The following TMEM150C variants were observed in gnomAD, a reference collection of about 807,000 sequenced individuals.
TMEM150C encodes the protein tentonin 3.
A neutral mutation model predicts 29.9 loss-of-function variants in TMEM150C; 10 were observed. The observed-to-expected ratio is 0.33, with a 90% CI of 0.21 to 0.57. The LOEUF is 0.57. Among genes scored for constraint, TMEM150C ranks in the 20% least tolerant of loss-of-function variants. The pLI is 0.88. For synonymous variants in TMEM150C, 101 were observed against 112.5 expected, an observed-to-expected ratio of 0.90 and a Z score of 0.64; for missense variants, 251 against 303.6, an observed-to-expected ratio of 0.83 and a Z score of 1.29.
Position 82,561,917 on chromosome 4 carries a change from C to A in TMEM150C, c.-22G>T. 9.7e-7 allele frequency: 1 copy of A among 1,030,874 alleles called. No homozygotes were observed. Among genetic ancestry groups the A allele is most frequent in the Non-Finnish European group, 1.2e-6 (1 of 856,738 alleles). The allele number at this position is 1,030,874 out of a possible 1,614,324, so 63.9% of individuals were successfully genotyped here. A position where few individuals can be genotyped will look rare whatever the true frequency, so the allele number is the denominator to read the frequency against. Reference sequence around the variant, plus strand: ...GGCGCCGCGCCTACCTGCTCTGGTGCGGCGGGGCCGCTGTCGCCTCGAGGG... The same window carrying A: ...GGCGCCGCGCCTACCTGCTCTGGTGAGGCGGGGCCGCTGTCGCCTCGAGGG... On this transcript the variant is annotated 5_prime_UTR_variant, in exon 1 of 8. Transcript: ENST00000449862.
At chr4:82,492,038 C>A (rs1444197051) in intron 6 of TMEM150C, among the ~76,000 whole-genome samples, 1 of 146,908 alleles carries the variant, frequency 6.8e-6, no homozygotes, top group Non-Finnish European at 1.5e-5. Context: ...TGGGTTCAAG[C>A]GATTCTTCTG....
intron 7 of TMEM150C, among the ~76,000 whole-genome samples, chr4:82,486,576 G>A (rs999729023): frequency 6.6e-5 from 10 of 151,822 alleles, no homozygotes; most frequent in South Asian, 6.2e-4. Flanking sequence ...CTCGTATCAC[G>A]TCTAAACTTG....
At chr4:82,504,491 G>T in intron 2 of TMEM150C, 87 bp downstream of exon 2, 1 of 1,073,924 alleles carries the variant, frequency 9.3e-7, no homozygotes, top group Non-Finnish European at 1.4e-6. Flanking sequence ...ATGAGCCACC[G>T]TGCCCGGCTG....
intron 1 of TMEM150C, among the ~76,000 whole-genome samples, chr4:82,504,916 G>A (rs1723864037): frequency 6.6e-6 from 1 of 152,128 alleles, no homozygotes; most frequent in South Asian, 2.1e-4. Flanking sequence ...TGTAGTCCCA[G>A]CTACTTGGGA....
At chr4:82,556,394 AC>A (rs1725738432) in intron 1 of TMEM150C, among the ~76,000 whole-genome samples, 1 of 152,258 alleles carries the variant, frequency 6.6e-6, no homozygotes, top group Middle Eastern at 3.2e-3. Context: ...ATGCACAGTG[AC>A]CACTTCTATT....
intron 4 of TMEM150C, 36 bp from the exon 5 acceptor site, chr4:82,502,830 C>G (rs752427582): frequency 6.3e-7 from 1 of 1,588,110 alleles, no homozygotes; most frequent in Non-Finnish European, 8.6e-7. Flanking sequence ...GTTACTATAT[C>G]AAAATCTATA....
At chr4:82,489,915 G>C in intron 7 of TMEM150C, 146 bp downstream of exon 7, 2 of 723,906 alleles carry the variant, frequency 2.8e-6, no homozygotes, top group Non-Finnish European at 4.4e-6. Context: ...TTGGTCTGAG[G>C]GTTTTTGTTT....
At chr4:82,561,756 A>G (rs2110097962) in intron 1 of TMEM150C, 150 bp downstream of exon 1, 1 of 480,694 alleles carries the variant, frequency 2.1e-6, no homozygotes, top group African/African-American at 2.1e-5. Context: ...GCAGCCGAGC[A>G]GGGCCCCGCA....
intron 1 of TMEM150C, among the ~76,000 whole-genome samples, chr4:82,512,385 A>T (rs1031837478): frequency 5.9e-5 from 9 of 152,234 alleles, no homozygotes; most frequent in African/African-American, 2.2e-4. Flanking sequence ...CCAAACTTGT[A>T]ATGTGAATAA....
intron 1 of TMEM150C, among the ~76,000 whole-genome samples, chr4:82,530,973 A>C (rs545848101): frequency 6.6e-6 from 1 of 152,260 alleles, no homozygotes; most frequent in East Asian, 1.9e-4. Context: ...ATGGTGCTAA[A>C]CCATTAGAAA....
At chr4:82,518,200 C>T (rs570742115) in intron 1 of TMEM150C, among the ~76,000 whole-genome samples, 1 of 152,158 alleles carries the variant, frequency 6.6e-6, no homozygotes, top group East Asian at 1.9e-4. Context: ...CCTGTAATCC[C>T]AGCTACTGGG....
chr4:82,525,068 A>C (rs1053425302), intron 1 of TMEM150C, among the ~76,000 whole-genome samples: 3 of 152,258 alleles, frequency 2.0e-5, no homozygotes, highest in Non-Finnish European at 4.4e-5. Flanking sequence ...TTGTGAAATC[A>C]ATGAATTCAA....
At chr4:82,528,245 C>T (rs1055836998) in intron 1 of TMEM150C, among the ~76,000 whole-genome samples, 4 of 152,238 alleles carry the variant, frequency 2.6e-5, no homozygotes, top group Non-Finnish European at 5.9e-5. Flanking sequence ...ATGAGTCATT[C>T]ACCAGTGCAG....
At chr4:82,537,143 G>A (rs150101350) in intron 1 of TMEM150C, among the ~76,000 whole-genome samples, 1,549 of 151,956 alleles carry the variant, frequency 0.01, 20 homozygotes, top group African/African-American at 0.035. Flanking sequence ...CACCACACCC[G>A]GCTAATTTTT....
intron 1 of TMEM150C, among the ~76,000 whole-genome samples, chr4:82,535,922 T>C (rs1724987842): frequency 6.6e-6 from 1 of 152,268 alleles, no homozygotes; most frequent in Admixed American, 6.5e-5. Flanking sequence ...GTTAGATGTA[T>C]GTAGCACCCC....
upstream of TMEM150C, chr4:82,562,200 C>T (rs1196425525): frequency 1.6e-6 from 2 of 1,285,258 alleles, no homozygotes; most frequent in East Asian, 5.8e-5. Context: ...CGAGCCGCTT[C>T]CTTCCGAAGC....
intron 1 of TMEM150C, among the ~76,000 whole-genome samples, chr4:82,513,690 T>A (rs1465717578): frequency 6.6e-6 from 1 of 152,144 alleles, no homozygotes; most frequent in Non-Finnish European, 1.5e-5. Flanking sequence ...TTTGGTGTCT[T>A]GAAGGGTTGG....
At chr4:82,536,654 A>C (rs1439433503) in intron 1 of TMEM150C, among the ~76,000 whole-genome samples, 1 of 152,100 alleles carries the variant, frequency 6.6e-6, no homozygotes, top group East Asian at 1.9e-4. Context: ...AGGTGGGAGG[A>C]TCGCTTAAGC....
intron 1 of TMEM150C, among the ~76,000 whole-genome samples, chr4:82,524,212 G>A (rs1297427820): frequency 6.6e-6 from 1 of 151,646 alleles, no homozygotes; most frequent in Non-Finnish European, 1.5e-5. Flanking sequence ...AGCTTGCAGT[G>A]AGCCGAGATC....
Sources: allele counts gnomAD v4.1 joint callset (sites outside exome capture counted in the v4.1 genomes callset), GRCh38; gene constraint gnomAD v4.1.1; transcripts MANE v1.5; gene names NCBI Gene and HGNC (gene_info 2026-07-23, HGNC 2026-07-21).